Variants in TRIO observed in about 807,000 individuals in gnomAD.
The protein encoded by TRIO is triple functional domain protein.
In TRIO, 58 loss-of-function variants were observed where a neutral mutation model predicts 351.9. The observed-to-expected ratio is 0.16, with a 90% CI of 0.13 to 0.21. TRIO has a LOEUF of 0.21. Ranked by LOEUF, TRIO falls within the 10% of genes least tolerant of loss-of-function variation. The pLI, the probability that TRIO is intolerant of heterozygous loss-of-function variation, is 1.00. For synonymous variants in TRIO, 1,758 were observed against 1,595.7 expected, an observed-to-expected ratio of 1.10 and a Z score of -2.42; for missense variants, 3,201 against 4,027.8, an observed-to-expected ratio of 0.79 and a Z score of 5.56.
At chr5:14,412,747 G>A (rs553843674) in intron 33 of TRIO, among the ~76,000 whole-genome samples, 20 of 152,286 alleles carry the variant, frequency 1.3e-4, no homozygotes, top group East Asian at 9.7e-4. Context: ...TTATTTTAAC[G>A]TCCTTTATAA....
chr5:14,316,434 G>A (rs749331119), intron 8 of TRIO, 79 bp from the exon 9 acceptor site: 2 of 1,439,248 alleles, frequency 1.4e-6, no homozygotes, highest in Admixed American at 1.9e-5. Flanking sequence ...GCACACACAT[G>A]TATCCAAGGA....
chr5:14,332,642 G>T (rs115646844), intron 10 of TRIO, among the ~76,000 whole-genome samples: 93 of 152,100 alleles, frequency 6.1e-4, no homozygotes, highest in Non-Finnish European at 1.1e-3. Flanking sequence ...AGACTGGCAC[G>T]TATTTACAGG....
chr5:14,296,830 C>A (rs758822421), intron 6 of TRIO, among the ~76,000 whole-genome samples: 3 of 152,114 alleles, frequency 2.0e-5, no homozygotes, highest in African/African-American at 7.2e-5. Flanking sequence ...AACAATTATG[C>A]CTTTCAGCTA....
chr5:14,274,624 A>C (rs1019922876), intron 2 of TRIO, among the ~76,000 whole-genome samples: 1 of 152,172 alleles, frequency 6.6e-6, no homozygotes, highest in Non-Finnish European at 1.5e-5. Flanking sequence ...GATTGTCCTG[A>C]GAAAGAGTTC....
At chr5:14,181,407 G>C (rs549468418) in intron 1 of TRIO, among the ~76,000 whole-genome samples, 1 of 152,338 alleles carries the variant, frequency 6.6e-6, no homozygotes, top group African/African-American at 2.4e-5. Context: ...ATCTGTCACC[G>C]TCATCTGTTG....
chr5:14,404,515 C>A (rs541419323), intron 31 of TRIO, among the ~76,000 whole-genome samples: 1 of 152,292 alleles, frequency 6.6e-6, no homozygotes, highest in South Asian at 2.1e-4. Context: ...TGTTTCCAAA[C>A]TCTGCCAGTT....
At chr5:14,237,256 A>G (rs1389726072) in intron 1 of TRIO, among the ~76,000 whole-genome samples, 2 of 152,238 alleles carry the variant, frequency 1.3e-5, no homozygotes, top group Admixed American at 1.3e-4. Context: ...GCTTCAGTGA[A>G]TATTTTCTCT....
chr5:14,374,393 G>T (rs1393706826), intron 19 of TRIO, 50 bp downstream of exon 19: 7 of 1,405,628 alleles, frequency 5.0e-6, no homozygotes, highest in Non-Finnish European at 5.9e-6. Flanking sequence ...TGCCTGGCAA[G>T]AGACAAAAGG....
intron 34 of TRIO, among the ~76,000 whole-genome samples, chr5:14,437,636 G>A (rs1384459207): frequency 6.7e-6 from 1 of 150,270 alleles, no homozygotes; most frequent in Non-Finnish European, 1.5e-5. Flanking sequence ...GCATGTCTGT[G>A]CCCTCATCTC....
In TRIO at chr5:14,389,417, G is replaced by A. The variant is rs1277737994; in HGVS notation, c.4058+19G>A. On this transcript the variant is annotated intron_variant, in intron 25 of 56. Transcript: ENST00000344204. ...ATAATAAGTGAGTGGCTTTTTCTTTGGGAGCAGTTACGCTTGAAATCCATG... is the reference window on the plus strand; with the variant it reads ...ATAATAAGTGAGTGGCTTTTTCTTTAGGAGCAGTTACGCTTGAAATCCATG... 1 of 1,571,024 alleles carries A rather than the reference G, an allele frequency of 6.4e-7. No homozygotes were observed. Among genetic ancestry groups the A allele is most frequent in the South Asian group, 1.1e-5 (1 of 87,644 alleles).
chr5:14,411,130 C>A (rs1373188344), intron 33 of TRIO, among the ~76,000 whole-genome samples: 1 of 152,130 alleles, frequency 6.6e-6, no homozygotes, highest in Non-Finnish European at 1.5e-5. Flanking sequence ...GCAAGGCCTC[C>A]CAGCAGCAGA....
At chr5:14,385,163 C>T (rs1243542569) in intron 21 of TRIO, among the ~76,000 whole-genome samples, 1 of 152,224 alleles carries the variant, frequency 6.6e-6, no homozygotes, top group Admixed American at 6.5e-5. Flanking sequence ...CCTCCGGTGG[C>T]ATCTTCCTGC....
At chr5:14,393,591 A>G (rs1747304981) in intron 27 of TRIO, among the ~76,000 whole-genome samples, 1 of 152,172 alleles carries the variant, frequency 6.6e-6, no homozygotes. Context: ...GAACATCTGT[A>G]TGGTGCTCAT....
intron 34 of TRIO, among the ~76,000 whole-genome samples, chr5:14,454,425 A>C (rs1049103302): frequency 6.6e-6 from 1 of 152,244 alleles, no homozygotes; most frequent in Non-Finnish European, 1.5e-5. Context: ...CTTTGAATAA[A>C]TAATTCACAA....
chr5:14,477,722 C>T (rs1755191317), intron 41 of TRIO, among the ~76,000 whole-genome samples: 1 of 152,206 alleles, frequency 6.6e-6, no homozygotes, highest in South Asian at 2.1e-4. Flanking sequence ...GGCTTCGAGG[C>T]TCCTGCAGCC....
At chr5:14,197,714 A>G (rs78294929) in intron 1 of TRIO, among the ~76,000 whole-genome samples, 83 of 152,346 alleles carry the variant, frequency 5.4e-4, no homozygotes, top group African/African-American at 1.9e-3. Context: ...TCACAGTGGT[A>G]ACAGTAGTCA....
chr5:14,487,980 C>CT lies in TRIO; in HGVS notation c.7352_7353insT (p.Gly2452ArgfsTer73). Reference sequence around the variant, plus strand: ...ACCCTGCCGCTTGGGAAGCCCCGGGCCGGGGCCGCTTCGCCGCTGAACTCG... The same window carrying CT: ...ACCCTGCCGCTTGGGAAGCCCCGGGCTCGGGGCCGCTTCGCCGCTGAACTCG... On this transcript the variant is annotated frameshift_variant, in exon 48 of 57. Coordinates refer to ENST00000344204, the MANE Select transcript of TRIO (RefSeq NM_007118.4). LOFTEE classifies it high-confidence loss of function. 1 of 1,555,980 alleles carries CT rather than the reference C, an allele frequency of 6.4e-7. No homozygotes were observed. Among genetic ancestry groups the CT allele is most frequent in the African/African-American group, 1.4e-5 (1 of 73,332 alleles).
Position 14,487,338 on chromosome 5 carries a change from G to A in TRIO, c.6836-126G>A, listed in dbSNP as rs1280800835. Reference sequence around the variant, plus strand: ...TCTTCTAGCTCTCCTGATGGGTGGGGTTGCTCTGCGCCCCTGCACGGGGTC... The same window carrying A: ...TCTTCTAGCTCTCCTGATGGGTGGGATTGCTCTGCGCCCCTGCACGGGGTC... On this transcript the variant is annotated intron_variant, in intron 47 of 56. Transcript: ENST00000344204. 4 of 1,035,360 alleles carry A rather than the reference G, an allele frequency of 3.9e-6. No individual in the cohort carries two copies. The Admixed American group carries it at 1.7e-4, about 44-fold the overall frequency. The allele number at this position is 1,035,360 out of a possible 1,614,324, so 64.1% of individuals were successfully genotyped here. A position where few individuals can be genotyped will look rare whatever the true frequency, so the allele number is the denominator to read the frequency against.
At chr5:14,400,932 C>T (rs781097419) in intron 30 of TRIO, 31 bp from the exon 31 acceptor site, 9 of 1,600,090 alleles carry the variant, frequency 5.6e-6, no homozygotes, top group Non-Finnish European at 6.8e-6. Flanking sequence ...ATTTTACTGT[C>T]ACCTAATTAT....
Sources: gnomAD v4.1 joint callset for allele counts (sites outside exome capture counted in the v4.1 genomes callset) on GRCh38, gnomAD v4.1.1 for gene constraint, MANE v1.5 for transcripts, NCBI Gene and HGNC (gene_info 2026-07-23, HGNC 2026-07-21) for gene names.